The following TMTC2 variants were observed in gnomAD, a reference collection of about 807,000 sequenced individuals.
TMTC2 encodes the protein transmembrane O-mannosyltransferase targeting cadherins 2.
A neutral mutation model predicts 82.4 loss-of-function variants in TMTC2; 43 were observed. The ratio of observed to expected loss-of-function variants is 0.52; its 90% confidence interval spans 0.41 to 0.67. The LOEUF (loss-of-function observed/expected upper bound fraction) is 0.67, where lower values mean the gene tolerates loss of function less well. Ranked by LOEUF, TMTC2 falls within the 30% of genes least tolerant of loss-of-function variation. The pLI, the probability that TMTC2 is intolerant of heterozygous loss-of-function variation, is 0.00. For synonymous variants in TMTC2, 408 were observed against 381.9 expected, an observed-to-expected ratio of 1.07 and a Z score of -0.80; for missense variants, 919 against 1,012.4, an observed-to-expected ratio of 0.91 and a Z score of 1.25.
rs572962102 is a variant in TMTC2, at chr12:83,062,310, C to T, written c.2331+479C>T. On this transcript the variant is annotated intron_variant, in intron 11 of 11. Coordinates refer to ENST00000321196, the MANE Select transcript of TMTC2 (RefSeq NM_152588.3). ...AACTTTATCAAGAATGTTTTTATTA[C>T]AATTTTTCTCTGGGTAATCATGCTT... Among the ~76,000 whole-genome samples, 6 of 151,786 alleles carry T rather than the reference C, an allele frequency of 4.0e-5. 1 individual carries two copies. Among genetic ancestry groups the T allele is most frequent in the African/African-American group, 1.2e-4 (5 of 41,472 alleles).
intron 1 of TMTC2, among the ~76,000 whole-genome samples, chr12:82,848,329 C>T (rs2137102023): frequency 6.6e-6 from 1 of 152,214 alleles, no homozygotes; most frequent in East Asian, 1.9e-4. Context: ...CTTTCTCCTT[C>T]ATTGAACTTT....
At chr12:82,958,380 C>A (rs74676931) in intron 4 of TMTC2, among the ~76,000 whole-genome samples, 999 of 74,808 alleles carry the variant, frequency 0.013, 45 homozygotes, top group African/African-American at 0.052. Context: ...ACAAAAAAAA[C>A]AAAAAAACTA....
At chr12:83,042,979 C>T (rs577781878) in intron 9 of TMTC2, among the ~76,000 whole-genome samples, 3 of 152,244 alleles carry the variant, frequency 2.0e-5, no homozygotes, top group East Asian at 1.9e-4. Flanking sequence ...TTTTCTTGGC[C>T]GGTAACTGTG....
intron 1 of TMTC2, among the ~76,000 whole-genome samples, chr12:82,710,943 C>T (rs200525162): frequency 2.9e-4 from 44 of 152,240 alleles, no homozygotes; most frequent in Non-Finnish European, 2.9e-4. Context: ...AATAATGAAT[C>T]GTATAGCCTC....
At position 82,834,884 on chromosome 12, in the gene TMTC2, AT is replaced by A. The variant is rs990613779; in HGVS notation, c.84-22115del. ...CATAGATATTTATCATCATTTTATT[AT>A]TTTTTTTTTTGAGATGCAATCTTGC... On this transcript the variant is annotated intron_variant, in intron 1 of 11. Transcript: ENST00000321196. 1.0e-3 allele frequency among the ~76,000 whole-genome samples: 149 copies of A among 147,046 alleles called. 2 individuals are homozygous for A. The highest frequency in any genetic ancestry group is 1.6e-3 in the Admixed American group (23 of 14,756).
intron 8 of TMTC2, among the ~76,000 whole-genome samples, chr12:82,994,112 G>A (rs1879515055): frequency 6.6e-6 from 1 of 152,060 alleles, no homozygotes; most frequent in South Asian, 2.1e-4. Flanking sequence ...AAGCCCATTT[G>A]TAATTTTTTA....
At chr12:82,889,918 A>G (rs1234109876) in intron 2 of TMTC2, among the ~76,000 whole-genome samples, 1 of 152,146 alleles carries the variant, frequency 6.6e-6, no homozygotes, top group Non-Finnish European at 1.5e-5. Flanking sequence ...TTTATAAACA[A>G]TGCTAAGTAT....
intron 1 of TMTC2, among the ~76,000 whole-genome samples, chr12:82,844,524 G>A (rs1460950972): frequency 6.6e-6 from 1 of 152,106 alleles, no homozygotes; most frequent in Non-Finnish European, 1.5e-5. Flanking sequence ...TGTTCCAGCC[G>A]GGCGCAGTGG....
At chr12:82,814,995 G>A (rs1413136006) in intron 1 of TMTC2, among the ~76,000 whole-genome samples, 2 of 152,052 alleles carry the variant, frequency 1.3e-5, no homozygotes, top group African/African-American at 2.4e-5. Context: ...GGATGAGCGG[G>A]TGTAAACCAT....
At chr12:82,735,758 A>G (rs1875084739) in intron 1 of TMTC2, among the ~76,000 whole-genome samples, 1 of 151,864 alleles carries the variant, frequency 6.6e-6, no homozygotes, top group Admixed American at 6.6e-5. Flanking sequence ...TGAGGTCAGG[A>G]GTTCAAGACC....
rs1485290599 is a variant in TMTC2 at position 82,965,804 on chromosome 12, T to C, written c.1869+60T>C. 7.5e-6 allele frequency: 12 copies of C among 1,593,202 alleles called. No homozygotes were observed. The Admixed American group carries it at 2.0e-4, about 27-fold the overall frequency. On this transcript the variant is annotated intron_variant, in intron 6 of 11. Coordinates refer to ENST00000321196, the MANE Select transcript of TMTC2 (RefSeq NM_152588.3). ...CCTTGTTCTGATCCAGTCTCAGTGGTTTGTAACCTACAGCCTCCTTTGAGC... is the reference window on the plus strand; with the variant it reads ...CCTTGTTCTGATCCAGTCTCAGTGGCTTGTAACCTACAGCCTCCTTTGAGC...
chr12:82,948,671 A>G (rs1877168382), intron 4 of TMTC2, among the ~76,000 whole-genome samples: 1 of 152,176 alleles, frequency 6.6e-6, no homozygotes, highest in African/African-American at 2.4e-5. Flanking sequence ...GGACAAAGAA[A>G]ACACCCACTT....
At chr12:83,039,484 A>G (rs1338268466) in intron 9 of TMTC2, among the ~76,000 whole-genome samples, 5 of 151,970 alleles carry the variant, frequency 3.3e-5, no homozygotes, top group Admixed American at 1.3e-4. Context: ...TATTTGATGA[A>G]TTCATAATAT....
At chr12:82,758,960 G>A (rs1876476369) in intron 1 of TMTC2, 1 of 152,146 alleles carries the variant, frequency 6.6e-6, no homozygotes, top group Non-Finnish European at 1.5e-5. Context: ...AAGAACTGGT[G>A]TCTGTATGGT....
chr12:82,947,981 G>A (rs1428144262), intron 4 of TMTC2, among the ~76,000 whole-genome samples: 1 of 152,180 alleles, frequency 6.6e-6, no homozygotes, highest in Admixed American at 6.5e-5. Flanking sequence ...CTATGGCAAT[G>A]AATTGCTCCT....
chr12:83,059,573 T>C (rs1306413071), intron 10 of TMTC2, among the ~76,000 whole-genome samples: 2 of 151,822 alleles, frequency 1.3e-5, no homozygotes, highest in Middle Eastern at 3.4e-3. Context: ...GGGGTTTTTT[T>C]CCCACCTCAT....
chr12:83,110,637 T>A (rs541274331), intron 11 of TMTC2, among the ~76,000 whole-genome samples: 1 of 152,336 alleles, frequency 6.6e-6, no homozygotes, highest in South Asian at 2.1e-4. Flanking sequence ...CACAGAGGAT[T>A]ACTCATTCCT....
intron 1 of TMTC2, among the ~76,000 whole-genome samples, chr12:82,704,712 A>G (rs1488141473): frequency 6.6e-6 from 1 of 151,782 alleles, no homozygotes; most frequent in Non-Finnish European, 1.5e-5. Flanking sequence ...GTTTTGTTCC[A>G]GGAAATTACT....
chr12:82,872,012 C>G (rs111384564), intron 2 of TMTC2, among the ~76,000 whole-genome samples: 30 of 138,924 alleles, frequency 2.2e-4, no homozygotes, highest in South Asian at 5.1e-4. Context: ...AACACCCCCC[C>G]CCCCGCCCAC....
Sources: allele counts gnomAD v4.1 joint callset (sites outside exome capture counted in the v4.1 genomes callset), GRCh38; gene constraint gnomAD v4.1.1; transcripts MANE v1.5; gene names NCBI Gene and HGNC (gene_info 2026-07-23, HGNC 2026-07-21).